Variants in RBFOX1 observed in about 807,000 individuals in gnomAD.
RBFOX1 encodes RNA binding protein fox-1 homolog 1.
Under a neutral mutation model 57.7 loss-of-function variants are expected in RBFOX1, and 8 were observed. The observed-to-expected ratio is 0.14, with a 90% CI of 0.08 to 0.25. RBFOX1 has a LOEUF of 0.25. RBFOX1 is among the 10% of genes least tolerant of loss of function. RBFOX1 has a pLI of 1.00. For synonymous variants in RBFOX1, 326 were observed against 222.4 expected (o/e 1.47, Z -4.15); for missense variants, 611 against 548.5 (o/e 1.11, Z -1.14).
At chr16:6,101,950 G>A (rs867672995) in intron 1 of RBFOX1, among the ~76,000 whole-genome samples, 2 of 152,042 alleles carry the variant, frequency 1.3e-5, no homozygotes, top group South Asian at 2.1e-4. Flanking sequence ...CCTGGCTCTC[G>A]GAGGCCCAGG....
intron 5 of RBFOX1, among the ~76,000 whole-genome samples, chr16:7,526,324 G>A (rs183945233): frequency 1.3e-5 from 2 of 152,258 alleles, no homozygotes; most frequent in Admixed American, 1.3e-4. Flanking sequence ...CATGAAGATT[G>A]GTTTCTTCGT....
At chr16:6,257,875 C>T (rs1340747238) in intron 1 of RBFOX1, among the ~76,000 whole-genome samples, 2 of 152,162 alleles carry the variant, frequency 1.3e-5, no homozygotes, top group Admixed American at 6.5e-5. Context: ...AATAGTGCTG[C>T]AGTGAACATA....
intron 4 of RBFOX1, among the ~76,000 whole-genome samples, chr16:7,214,359 G>A (rs2091670904): frequency 6.6e-6 from 1 of 152,086 alleles, no homozygotes; most frequent in South Asian, 2.1e-4. Context: ...TTAGCAGATG[G>A]CATGATCGGG....
At chr16:7,128,077 G>A (rs909365703) in intron 4 of RBFOX1, among the ~76,000 whole-genome samples, 2 of 152,156 alleles carry the variant, frequency 1.3e-5, no homozygotes, top group East Asian at 1.9e-4. Flanking sequence ...CTTAATGGGG[G>A]CTCAAGTGAT....
chr16:7,085,477 T>C (rs1053921925), intron 4 of RBFOX1, among the ~76,000 whole-genome samples: 5 of 152,172 alleles, frequency 3.3e-5, no homozygotes, highest in African/African-American at 1.2e-4. Flanking sequence ...CGTCAGGGTA[T>C]TTGCTGGCAT....
chr16:6,744,095 G>A (rs896222144), intron 3 of RBFOX1, among the ~76,000 whole-genome samples: 2 of 151,972 alleles, frequency 1.3e-5, no homozygotes, highest in Non-Finnish European at 2.9e-5. Flanking sequence ...TAACTATACT[G>A]ATATCACACA....
chr16:5,566,149 G>T (rs1390742479), intron 2 of RBFOX1, among the ~76,000 whole-genome samples: 1 of 152,040 alleles, frequency 6.6e-6, no homozygotes, highest in African/African-American at 2.4e-5. Context: ...AATTTACCCA[G>T]TCTCGGGCAT....
chr16:5,719,202 CTTTTTT>C (rs34350208), intron 3 of RBFOX1, among the ~76,000 whole-genome samples: 5 of 120,100 alleles, frequency 4.2e-5, no homozygotes, highest in African/African-American at 8.6e-5. Context: ...ATATTAGAAT[CTTTTTT>C]TTTTTTTTTT....
intron 4 of RBFOX1, among the ~76,000 whole-genome samples, chr16:7,492,516 T>A (rs1016727402): frequency 6.6e-6 from 1 of 152,174 alleles, no homozygotes. Flanking sequence ...ACTAGCCACA[T>A]GTAGCTACTT....
chr16:6,833,654 C>T (rs1381516895), intron 3 of RBFOX1, among the ~76,000 whole-genome samples: 1 of 152,136 alleles, frequency 6.6e-6, no homozygotes, highest in African/African-American at 2.4e-5. Context: ...TCATGTCTTC[C>T]CATTGGCACC....
chr16:7,070,987 T>G (rs2057219748), intron 4 of RBFOX1, among the ~76,000 whole-genome samples: 1 of 152,184 alleles, frequency 6.6e-6, no homozygotes, highest in Non-Finnish European at 1.5e-5. Flanking sequence ...GAGTGGCATG[T>G]TGTCAAGTTG....
In RBFOX1 at chr16:5,576,876, A is replaced by G. The variant is rs72763247; in HGVS notation, c.259-22026A>G. Among the ~76,000 whole-genome samples, 553 of 152,342 alleles carry G rather than the reference A, an allele frequency of 3.6e-3. 6 individuals carry two copies. Among genetic ancestry groups the G allele is most frequent in the Admixed American group, 0.011 (169 of 15,300 alleles). ...AGGGAAGAGATTTTTCAGATCTGCT[A>G]TTGATTGGATGCTGAGGAGTTATTA... On this transcript the variant is annotated intron_variant, in intron 2 of 2. Transcript: ENST00000585867.
intron 1 of RBFOX1, among the ~76,000 whole-genome samples, chr16:5,361,945 C>G (rs1369499228): frequency 6.6e-6 from 1 of 152,178 alleles, no homozygotes. Context: ...AGATAATGCT[C>G]AAATAGCATT....
chr16:5,756,223 C>CAAAAAA lies in RBFOX1; in HGVS notation c.319-111060_319-111055dup, dbSNP rs5815266. Among the ~76,000 whole-genome samples the CAAAAAA allele has an allele frequency of 4.6e-3, 232 of 50,606 alleles. 1 individual carries two copies. Among genetic ancestry groups the CAAAAAA allele is most frequent in the Non-Finnish European group, 5.9e-3 (168 of 28,396 alleles). 33.2% of individuals were successfully genotyped at this position (50,606 alleles called of 152,430 possible). A position where few individuals can be genotyped will look rare whatever the true frequency, so the allele number is the denominator to read the frequency against. ...CCCCTTCTTACATCTTCCACATAAG[C>CAAAAAA]AAAAAAAAAAAAAAAAAAAAAAAAA... is the stretch of plus-strand genomic sequence containing the variant. On this transcript the variant is annotated intron_variant, in intron 3 of 19. Coordinates refer to the RBFOX1 transcript ENST00000641259.
At chr16:6,634,856 T>A (rs1017157224) in intron 2 of RBFOX1, among the ~76,000 whole-genome samples, 2 of 131,560 alleles carry the variant, frequency 1.5e-5, no homozygotes, top group African/African-American at 6.0e-5. Context: ...TATAATACTT[T>A]AAATTTAAAT....
At chr16:6,581,498 C>T (rs570151332) in intron 2 of RBFOX1, among the ~76,000 whole-genome samples, 1 of 152,160 alleles carries the variant, frequency 6.6e-6, no homozygotes, top group African/African-American at 2.4e-5. Flanking sequence ...AGACCTCTAC[C>T]CTGGGCTCTG....
At chr16:6,832,330 T>C (rs1464795860) in intron 3 of RBFOX1, among the ~76,000 whole-genome samples, 1 of 152,200 alleles carries the variant, frequency 6.6e-6, no homozygotes, top group Non-Finnish European at 1.5e-5. Flanking sequence ...TTACTCATTA[T>C]GTGGTTACAG....
At chr16:7,477,112 C>G (rs1048406754) in intron 4 of RBFOX1, among the ~76,000 whole-genome samples, 1 of 152,090 alleles carries the variant, frequency 6.6e-6, no homozygotes. Flanking sequence ...TTTTTTCTCA[C>G]TACTTTTTGT....
chr16:6,799,937 G>C (rs574861990), intron 3 of RBFOX1, among the ~76,000 whole-genome samples: 2 of 152,032 alleles, frequency 1.3e-5, no homozygotes, highest in Admixed American at 6.6e-5. Flanking sequence ...GTGAGACTTC[G>C]TCTTGTGATG....
Sources: allele counts gnomAD v4.1 joint callset (sites outside exome capture counted in the v4.1 genomes callset), GRCh38; gene constraint gnomAD v4.1.1; transcripts MANE v1.5; gene names NCBI Gene and HGNC (gene_info 2026-07-23, HGNC 2026-07-21).